Variants in NBEAL1 observed in about 807,000 individuals in gnomAD.
NBEAL1 encodes neurobeachin-like protein 1.
A neutral mutation model predicts 351.3 loss-of-function variants in NBEAL1; 273 were observed. The ratio of observed to expected loss-of-function variants is 0.78; its 90% confidence interval spans 0.70 to 0.86. NBEAL1 has a LOEUF of 0.86. NBEAL1 is among the 40% of genes least tolerant of loss of function. NBEAL1 has a pLI of 0.00. For missense variants in NBEAL1, 2,961 were observed against 3,201.3 expected, an observed-to-expected ratio of 0.92 and a Z score of 1.81; for synonymous variants, 1,050 against 1,086.4, an observed-to-expected ratio of 0.97 and a Z score of 0.66.
chr2:203,111,281 A>C (rs966519120), intron 15 of NBEAL1, among the ~76,000 whole-genome samples: 1 of 152,218 alleles, frequency 6.6e-6, no homozygotes, highest in Non-Finnish European at 1.5e-5. Context: ...ACTGCACTCA[A>C]GCCTCAGCTA....
Position 203,166,133 on chromosome 2 carries a change from C to A in NBEAL1, c.5715-16C>A. On this transcript the variant is annotated splice_polypyrimidine_tract_variant and intron_variant, in intron 36 of 55. Transcript: ENST00000683969. ...ATGGTTGAATTTTTCTGTTTATTGG[C>A]TTCTTGTTTTTACAGTGATGAGAAA... 1 of 1,530,850 alleles carries A rather than the reference C, an allele frequency of 6.5e-7. No individual in the cohort carries two copies. Among genetic ancestry groups the A allele is most frequent in the Non-Finnish European group, 8.7e-7 (1 of 1,144,398 alleles). 94.8% of individuals were successfully genotyped at this position (1,530,850 alleles called of 1,614,324 possible).
Position 203,127,944 on chromosome 2 carries a change from T to G in NBEAL1, c.3405+7T>G. 6.5e-7 allele frequency: 1 copy of G among 1,543,174 alleles called. No individual in the cohort carries two copies. Among genetic ancestry groups the G allele is most frequent in the South Asian group, 1.2e-5 (1 of 83,124 alleles). On this transcript the variant is annotated splice_region_variant and intron_variant, in intron 24 of 55. Coordinates refer to ENST00000683969, the MANE Select transcript of NBEAL1 (RefSeq NM_001378026.1). ...TACTAATGAAGAAGAACAGGTATTA[T>G]GCCTAAGATACATCTACTTTTCCTT...
intron 2 of NBEAL1, among the ~76,000 whole-genome samples, chr2:203,039,662 G>A (rs1039875537): frequency 6.6e-6 from 1 of 152,136 alleles, no homozygotes; most frequent in East Asian, 1.9e-4. Context: ...CCAAAGTGCT[G>A]GAATTACTGG....
At chr2:203,060,651 G>C (rs114245230) in intron 6 of NBEAL1, among the ~76,000 whole-genome samples, 1 of 152,058 alleles carries the variant, frequency 6.6e-6, no homozygotes, top group Admixed American at 6.5e-5. Flanking sequence ...TTTTCACATC[G>C]ATGTTTTCTT....
At chr2:203,023,012 A>G (rs1260922239) in intron 2 of NBEAL1, among the ~76,000 whole-genome samples, 1 of 152,226 alleles carries the variant, frequency 6.6e-6, no homozygotes, top group African/African-American at 2.4e-5. Context: ...CCTTTTCAGA[A>G]TAAAAGTTTT....
intron 2 of NBEAL1, among the ~76,000 whole-genome samples, chr2:203,034,431 A>G (rs1029783698): frequency 3.6e-5 from 5 of 139,520 alleles, no homozygotes; most frequent in African/African-American, 1.3e-4. Context: ...TGCTGGGATC[A>G]CCTGTGTGAG....
chr2:203,194,920 G>A (rs1007916828), intron 47 of NBEAL1, among the ~76,000 whole-genome samples: 2 of 152,148 alleles, frequency 1.3e-5, no homozygotes, highest in African/African-American at 2.4e-5. Context: ...AGCTTTGGCC[G>A]GGCGCAGTGG....
Position 203,107,895 on chromosome 2 carries a change from G to A in NBEAL1, c.1656G>A (p.Val552=). ...AIHGSLGSQS[V]SSEEIRRLLR... is the part of the protein sequence containing the mutation. ...ATGGTTCCTTGGGGAGTCAGTCAGT[G>A]AGCTCAGAAGAAATCCGTCGACTAC... Residue 552 remains valine (V), a synonymous_variant, in exon 14 of 56, where the codon GTG becomes GTA. Coordinates refer to ENST00000683969, the MANE Select transcript of NBEAL1 (RefSeq NM_001378026.1). 1 of 1,553,780 alleles carries A rather than the reference G, an allele frequency of 6.4e-7. No homozygotes were observed. The highest frequency in any genetic ancestry group is 8.7e-7 in the Non-Finnish European group (1 of 1,147,596).
chr2:203,171,224 C>T (rs2064309007), intron 39 of NBEAL1, among the ~76,000 whole-genome samples: 1 of 152,116 alleles, frequency 6.6e-6, no homozygotes, highest in African/African-American at 2.4e-5. Flanking sequence ...CACCATTGCA[C>T]TCCAGCCTGG....
At position 203,175,274 on chromosome 2, in the gene NBEAL1, C is replaced by T. The variant is rs2064465736; in HGVS notation, c.6451C>T (p.Leu2151Phe). The T allele has an allele frequency of 8.7e-6, 14 of 1,613,324 alleles. No homozygotes were observed. Among genetic ancestry groups the T allele is most frequent in the African/African-American group, 2.7e-5 (2 of 75,000 alleles). The change falls in exon 42 of 56, where the codon CTT becomes TTT. Residue 2151 changes from leucine (L) to phenylalanine (F), a missense_variant. Transcript: ENST00000683969. ...ACCGTTCACCACCCTCCACATCCAA[C>T]TTCAGAGTGGAAGGTATGTTTTGAG... ...VEPFTTLHIQLQSGRFDCADR... is the reference protein window; with the variant it reads ...VEPFTTLHIQFQSGRFDCADR...
chr2:203,023,946 TTAAA>T (rs1230516781), intron 2 of NBEAL1, among the ~76,000 whole-genome samples: 4 of 152,006 alleles, frequency 2.6e-5, no homozygotes, highest in Non-Finnish European at 2.9e-5. Context: ...TCTCTGTTAT[TTAAA>T]TAAATAAATA....
intron 14 of NBEAL1, among the ~76,000 whole-genome samples, chr2:203,109,409 A>G (rs1183177232): frequency 6.6e-6 from 1 of 152,208 alleles, no homozygotes; most frequent in African/African-American, 2.4e-5. Context: ...TTTCTATTCC[A>G]TTGAATATGC....
rs1021943292 is a variant in NBEAL1, at chr2:203,221,833, T to C, written c.*4479T>C. On this transcript the variant is annotated 3_prime_UTR_variant, in exon 56 of 56. Transcript: ENST00000683969. ...TTTTCTTGATGACCTTAGGCAACAA[T>C]ATAGTGTTATCAGTCATCATTTTAA... Among the ~76,000 whole-genome samples, 5 of 152,194 alleles carry C rather than the reference T, an allele frequency of 3.3e-5. No individual in the cohort carries two copies. Among genetic ancestry groups the C allele is most frequent in the Non-Finnish European group, 4.4e-5 (3 of 68,032 alleles).
intron 18 of NBEAL1, among the ~76,000 whole-genome samples, chr2:203,120,199 T>C (rs1192985773): frequency 1.3e-5 from 2 of 152,232 alleles, no homozygotes; most frequent in Non-Finnish European, 2.9e-5. Flanking sequence ...TTCACGTGTA[T>C]TGTTTCACTT....
chr2:203,216,352 T>G (rs577071537), intron 55 of NBEAL1, among the ~76,000 whole-genome samples: 33 of 152,238 alleles, frequency 2.2e-4, no homozygotes, highest in Admixed American at 8.5e-4. Context: ...CATCAAAACT[T>G]TATTTTACTT....
chr2:203,216,966 G>A (rs1477600583), intron 55 of NBEAL1, among the ~76,000 whole-genome samples: 4 of 152,090 alleles, frequency 2.6e-5, no homozygotes, highest in Admixed American at 6.6e-5. Context: ...ACCATGTTGG[G>A]CTAATTTTTG....
At chr2:203,073,075 T>A (rs2061708676) in intron 7 of NBEAL1, among the ~76,000 whole-genome samples, 1 of 152,176 alleles carries the variant, frequency 6.6e-6, no homozygotes. Context: ...AAGGTTTTGT[T>A]TTGTTTTTCA....
At chr2:203,138,083 GCTATTTTGTTT>G in intron 29 of NBEAL1, 68 bp from the exon 30 acceptor site, 1 of 1,326,308 alleles carries the variant, frequency 7.5e-7, no homozygotes, top group Non-Finnish European at 1.1e-6. Context: ...TGCCTCTCAA[GCTATTTTGTTT>G]TGTTTTTAAT....
intron 10 of NBEAL1, chr2:203,085,597 G>A (rs1234049652): frequency 1.3e-5 from 2 of 152,112 alleles, no homozygotes; most frequent in Non-Finnish European, 2.9e-5. Context: ...ACCATGTAAT[G>A]ACCTAAATGA....
Sources: allele counts gnomAD v4.1 joint callset (sites outside exome capture counted in the v4.1 genomes callset), GRCh38; gene constraint gnomAD v4.1.1; transcripts MANE v1.5; gene names NCBI Gene and HGNC (gene_info 2026-07-23, HGNC 2026-07-21).